UBA6: variants seen among roughly 807,000 people sequenced by gnomAD.
UBA6 encodes the protein ubiquitin-like modifier-activating enzyme 6.
Under a neutral mutation model 148.3 loss-of-function variants are expected in UBA6, and 87 were observed. That is an observed-to-expected ratio of 0.59 (90% CI 0.49 to 0.70). The LOEUF is 0.70. UBA6 is among the 30% of genes least tolerant of loss of function. UBA6 has a pLI of 0.00. For synonymous variants in UBA6, 376 were observed against 401.0 expected, an observed-to-expected ratio of 0.94 and a Z score of 0.75; for missense variants, 1,186 against 1,241.2, an observed-to-expected ratio of 0.96 and a Z score of 0.67.
chr4:67,685,581 C>T (rs1327036065), intron 2 of UBA6, among the ~76,000 whole-genome samples: 1 of 152,138 alleles, frequency 6.6e-6, no homozygotes, highest in Admixed American at 6.5e-5. Flanking sequence ...GCAAATGCTA[C>T]ACTTTGAATG....
At chr4:67,625,872 G>A (rs896108290) in intron 28 of UBA6, among the ~76,000 whole-genome samples, 1 of 151,882 alleles carries the variant, frequency 6.6e-6, no homozygotes. Context: ...TAGCAAGGAA[G>A]TATATATAGG....
chr4:67,636,871 A>T (rs570738251), intron 19 of UBA6, among the ~76,000 whole-genome samples: 379 of 147,584 alleles, frequency 2.6e-3, no homozygotes, highest in African/African-American at 9.3e-3. Context: ...GGATGTGAGG[A>T]GCCCCTCTGC....
intron 2 of UBA6, among the ~76,000 whole-genome samples, chr4:67,694,724 C>T (rs2109961361): frequency 6.6e-6 from 1 of 152,236 alleles, no homozygotes; most frequent in East Asian, 1.9e-4. Flanking sequence ...CTAAGAAAAC[C>T]TATATGTAGT....
At chr4:67,670,272 C>G (rs1577827129) in intron 8 of UBA6, among the ~76,000 whole-genome samples, 198 bp downstream of exon 8, 1 of 152,104 alleles carries the variant, frequency 6.6e-6, no homozygotes, top group African/African-American at 2.4e-5. Flanking sequence ...TAGAGAAAAT[C>G]CAGAATATTT....
intron 9 of UBA6, among the ~76,000 whole-genome samples, chr4:67,665,849 T>C (rs2109935860): frequency 6.6e-6 from 1 of 152,242 alleles, no homozygotes; most frequent in Non-Finnish European, 1.5e-5. Context: ...ATTTCTCAGA[T>C]AAAAGCATGG....
At chr4:67,621,591 G>C (rs1728752695) in intron 32 of UBA6, among the ~76,000 whole-genome samples, 2 of 152,128 alleles carry the variant, frequency 1.3e-5, no homozygotes, top group Non-Finnish European at 2.9e-5. Flanking sequence ...ATCACCTTAG[G>C]TCAGGAGTTC....
At chr4:67,645,617 C>G (rs1353862156) in intron 16 of UBA6, among the ~76,000 whole-genome samples, 5 of 151,054 alleles carry the variant, frequency 3.3e-5, no homozygotes, top group Non-Finnish European at 7.4e-5. Context: ...AAAAGAAATA[C>G]AGAATACACT....
At chr4:67,685,521 G>T (rs6819522) in intron 2 of UBA6, among the ~76,000 whole-genome samples, 57,925 of 151,884 alleles carry the variant, frequency 0.38, 11,165 homozygotes, top group Middle Eastern at 0.51. Context: ...ACTACTGGGA[G>T]GTAATAAAAG....
At chr4:67,649,247 A>G in intron 13 of UBA6, 36 bp from the exon 14 acceptor site, 1 of 1,588,062 alleles carries the variant, frequency 6.3e-7, no homozygotes, top group South Asian at 1.2e-5. Context: ...TAACATTAAC[A>G]GCATTTACAC....
chr4:67,645,784 C>G (rs719391), intron 16 of UBA6, among the ~76,000 whole-genome samples, 154 bp downstream of exon 16: 34,160 of 152,066 alleles, frequency 0.22, 4,017 homozygotes, highest in Middle Eastern at 0.3. Context: ...AAGGGTCAGA[C>G]AGTAAACAAT....
intron 2 of UBA6, among the ~76,000 whole-genome samples, chr4:67,693,803 C>T (rs1262731389): frequency 2.0e-5 from 3 of 152,116 alleles, no homozygotes; most frequent in African/African-American, 7.2e-5. Context: ...AAATCTATCT[C>T]CCTGAGATAT....
At chr4:67,662,147 T>C (rs1157978803) in intron 13 of UBA6, 42 bp downstream of exon 13, 5 of 1,583,206 alleles carry the variant, frequency 3.2e-6, no homozygotes, top group Non-Finnish European at 4.3e-6. Context: ...ACTTATGTAT[T>C]AACAAACAAA....
In UBA6 at chr4:67,629,933, AG is replaced by A. The variant is rs1317666322; in HGVS notation, c.2328+532del. 2.6e-5 allele frequency among the ~76,000 whole-genome samples: 4 copies of A among 152,226 alleles called. No individual in the cohort carries two copies. The South Asian group carries it at 8.3e-4, about 32-fold the overall frequency. On this transcript the variant is annotated intron_variant, in intron 26 of 32. Coordinates refer to ENST00000322244, the MANE Select transcript of UBA6 (RefSeq NM_018227.6). Reference sequence around the variant, plus strand: ...GCTAGAATATGCATTTGTGAAGAAAAGAGATGCCTCTCAAAACCGTATGAGG... The same window carrying A: ...GCTAGAATATGCATTTGTGAAGAAAAAGATGCCTCTCAAAACCGTATGAGG...
At position 67,669,672 on chromosome 4, in the gene UBA6, T is replaced by A. The variant is rs147558900; in HGVS notation, c.669+798A>T. On this transcript the variant is annotated intron_variant, in intron 8 of 32. Transcript: ENST00000322244. ...AGTGCGGTTAGAAAATTTAGACTTT[T>A]GAATCTGAAGGTTAATCAAAACTTT... Among the ~76,000 whole-genome samples, 1,246 of 152,290 alleles carry A rather than the reference T, an allele frequency of 8.2e-3. 22 individuals carry two copies. The highest frequency in any genetic ancestry group is 0.029 in the African/African-American group (1,198 of 41,568).
At chr4:67,649,252 T>C (rs757987696) in intron 13 of UBA6, 41 bp from the exon 14 acceptor site, 2 of 1,556,502 alleles carry the variant, frequency 1.3e-6, no homozygotes, top group African/African-American at 2.7e-5. Flanking sequence ...TTAACAGCAT[T>C]TACACAGTAC....
intron 1 of UBA6, 63 bp from the exon 2 acceptor site, chr4:67,696,770 G>A: frequency 7.4e-7 from 1 of 1,342,564 alleles, no homozygotes; most frequent in Admixed American, 1.8e-5. Flanking sequence ...GATTACTTGT[G>A]TGATCAGATT....
rs1257967944 is a variant in UBA6, at chr4:67,701,150, G to C, written c.-31C>G. The C allele has an allele frequency of 1.3e-6, 2 of 1,598,510 alleles. No individual in the cohort carries two copies. The highest frequency in any genetic ancestry group is 3.4e-5 in the Admixed American group (2 of 59,642). ...CCTGAGACACCGCCGCCGGCTACTGGAAGGTAGGAAGGGGCGGGACCGTGG... is the reference window on the plus strand; with the variant it reads ...CCTGAGACACCGCCGCCGGCTACTGCAAGGTAGGAAGGGGCGGGACCGTGG... On this transcript the variant is annotated 5_prime_UTR_variant, in exon 1 of 33. Transcript: ENST00000322244.
chr4:67,634,036 A>C (rs1729064550), intron 22 of UBA6, among the ~76,000 whole-genome samples: 1 of 152,064 alleles, frequency 6.6e-6, no homozygotes, highest in African/African-American at 2.4e-5. Context: ...TGTGAGTCGA[A>C]CATGCTCAAA....
chr4:67,662,112 A>C (rs772459133), intron 13 of UBA6, 77 bp downstream of exon 13: 1 of 1,396,436 alleles, frequency 7.2e-7, no homozygotes, highest in East Asian at 2.3e-5. Flanking sequence ...GATGTGAAGG[A>C]TAAGAGAATA....
Sources: allele counts gnomAD v4.1 joint callset (sites outside exome capture counted in the v4.1 genomes callset), GRCh38; gene constraint gnomAD v4.1.1; transcripts MANE v1.5; gene names NCBI Gene and HGNC (gene_info 2026-07-23, HGNC 2026-07-21).